The following DLGAP2 variants were observed in gnomAD, a reference collection of about 807,000 sequenced individuals.
DLGAP2 encodes the protein DLG associated protein 2, also known as disks large-associated protein 2.
Under a neutral mutation model 100.3 loss-of-function variants are expected in DLGAP2, and 26 were observed. The observed-to-expected ratio is 0.26, with a 90% CI of 0.19 to 0.36. The LOEUF is 0.36. DLGAP2 is among the 10% of genes least tolerant of loss of function. The pLI, the probability that DLGAP2 is intolerant of heterozygous loss-of-function variation, is 1.00. For synonymous variants in DLGAP2, 886 were observed against 630.1 expected, an observed-to-expected ratio of 1.41 and a Z score of -6.08; for missense variants, 1,858 against 1,453.2, an observed-to-expected ratio of 1.28 and a Z score of -4.53.
intron 3 of DLGAP2, among the ~76,000 whole-genome samples, chr8:1,317,666 C>T (rs374209411): frequency 1.1e-4 from 13 of 116,542 alleles, no homozygotes; most frequent in Middle Eastern, 5.0e-3. Flanking sequence ...AAAAATAGAG[C>T]GTGTGCGAGT....
At chr8:1,490,185 C>T (rs939203935) in intron 3 of DLGAP2, among the ~76,000 whole-genome samples, 1 of 152,172 alleles carries the variant, frequency 6.6e-6, no homozygotes, top group Admixed American at 6.5e-5. Flanking sequence ...CCACTGCGCC[C>T]GGCTTCATTT....
Position 1,298,283 on chromosome 8 carries a change from A to T in DLGAP2, c.106+39400A>T, listed in dbSNP as rs563581896. ...AAGTAAAAGTCATATAATTGAAGTT[A>T]TCTAAACCCCCCATACACCAAATGC... On this transcript the variant is annotated intron_variant, in intron 3 of 14. Coordinates refer to ENST00000637795, the MANE Select transcript of DLGAP2 (RefSeq NM_001346810.2). Among the ~76,000 whole-genome samples, 46 of 152,244 alleles carry T rather than the reference A, an allele frequency of 3.0e-4. 1 individual carries two copies. In the South Asian group the frequency reaches 9.1e-3, roughly 30 times the overall value.
rs35789497 is a variant in DLGAP2, at chr8:1,441,683, CAAAAAAAAAA to C, written c.107-59673_107-59664del. Among the ~76,000 whole-genome samples the C allele has an allele frequency of 4.0e-5, 3 of 74,630 alleles. No homozygotes were observed. In the South Asian group the frequency reaches 1.2e-3, roughly 30 times the overall value. The allele number at this position is 74,630 out of a possible 152,430, so 49.0% of individuals were successfully genotyped here. A position where few individuals can be genotyped will look rare whatever the true frequency, so the allele number is the denominator to read the frequency against. Reference sequence around the variant, plus strand: ...AGCCTGGGCAACATAGACTCCATCTCAAAAAAAAAAAAAAAAAAAGTAAAACTCATATTTA... The same window carrying C: ...AGCCTGGGCAACATAGACTCCATCTCAAAAAAAAAGTAAAACTCATATTTA... On this transcript the variant is annotated intron_variant, in intron 3 of 14. Transcript: ENST00000637795.
chr8:869,457 C>T lies in DLGAP2; in HGVS notation c.19-38455C>T, dbSNP rs77325604. On this transcript the variant is annotated intron_variant, in intron 1 of 14. Coordinates refer to ENST00000637795, the MANE Select transcript of DLGAP2 (RefSeq NM_001346810.2). ...AAAGAAAATTTGGTTTACGTTTGTA[C>T]GCTGAGGGCTCAAATATACAGTAAT... is the stretch of plus-strand genomic sequence containing the variant. 2.6e-4 allele frequency among the ~76,000 whole-genome samples: 39 copies of T among 152,132 alleles called. No homozygotes were observed. In the East Asian group the frequency reaches 3.7e-3, roughly 14 times the overall value.
In DLGAP2 at chr8:1,364,922, G is replaced by A. The variant is rs79511395; in HGVS notation, c.106+106039G>A. 9.8e-3 allele frequency among the ~76,000 whole-genome samples: 1,486 copies of A among 152,266 alleles called. 13 individuals are homozygous for A. Among genetic ancestry groups the A allele is most frequent in the Non-Finnish European group, 0.015 (993 of 68,014 alleles). ...GGGGGTAGTTTTAAAACTTGGAACA[G>A]CAGCGAAGCTCCCACCTTCCTCAGA... On this transcript the variant is annotated intron_variant, in intron 3 of 14. Coordinates refer to ENST00000637795, the MANE Select transcript of DLGAP2 (RefSeq NM_001346810.2).
chr8:994,405 G>C (rs1461636845), intron 2 of DLGAP2, among the ~76,000 whole-genome samples: 2 of 152,082 alleles, frequency 1.3e-5, no homozygotes, highest in African/African-American at 2.4e-5. Flanking sequence ...TCTCCATGTT[G>C]GTCAGGCTGG....
intron 1 of DLGAP2, among the ~76,000 whole-genome samples, chr8:759,596 C>T (rs568810926): frequency 3.3e-5 from 5 of 151,940 alleles, no homozygotes; most frequent in African/African-American, 4.8e-5. Flanking sequence ...GGGGCTCCCC[C>T]CTGGGCTGCA....
intron 1 of DLGAP2, among the ~76,000 whole-genome samples, chr8:839,472 G>A (rs866333291): frequency 3.9e-5 from 6 of 152,306 alleles, no homozygotes; most frequent in East Asian, 1.9e-4. Context: ...TAAGCCAGGC[G>A]CAGAAAGACA....
chr8:910,579 A>G (rs1426554228), intron 2 of DLGAP2: 1 of 152,188 alleles, frequency 6.6e-6, no homozygotes, highest in Non-Finnish European at 1.5e-5. Flanking sequence ...AAGCACATTT[A>G]TGCCTGTCTT....
intron 1 of DLGAP2, among the ~76,000 whole-genome samples, chr8:762,561 T>G (rs1028724381): frequency 2.0e-5 from 3 of 152,138 alleles, no homozygotes; most frequent in Non-Finnish European, 2.9e-5. Flanking sequence ...GGTCACCCCC[T>G]GCTTTGCAGA....
chr8:851,075 T>C (rs955880709), intron 1 of DLGAP2, among the ~76,000 whole-genome samples: 2 of 152,234 alleles, frequency 1.3e-5, no homozygotes, highest in Non-Finnish European at 2.9e-5. Context: ...TTTTAACATA[T>C]GATTTTTCTG....
chr8:1,305,599 T>G (rs1800471426), intron 3 of DLGAP2, among the ~76,000 whole-genome samples: 1 of 152,176 alleles, frequency 6.6e-6, no homozygotes, highest in African/African-American at 2.4e-5. Context: ...GGACATTGCT[T>G]GAAACACTGC....
intron 6 of DLGAP2, among the ~76,000 whole-genome samples, chr8:1,598,390 G>A (rs546968414): frequency 3.9e-5 from 6 of 152,306 alleles, no homozygotes; most frequent in African/African-American, 1.2e-4. Context: ...AAATGAGTTA[G>A]AGAGGAGTCC....
chr8:1,446,932 A>G (rs956200164), intron 3 of DLGAP2, among the ~76,000 whole-genome samples: 1 of 152,142 alleles, frequency 6.6e-6, no homozygotes, highest in Non-Finnish European at 1.5e-5. Context: ...TGATTTTTGT[A>G]CATTGATTTT....
intron 1 of DLGAP2, among the ~76,000 whole-genome samples, chr8:898,016 C>T (rs192720207): frequency 1.3e-5 from 2 of 151,034 alleles, no homozygotes; most frequent in Admixed American, 6.6e-5. Flanking sequence ...AGTGAGCTCC[C>T]GCCACGTGTG....
intron 3 of DLGAP2, among the ~76,000 whole-genome samples, chr8:1,378,493 C>G (rs370061069): frequency 1.1e-4 from 16 of 150,788 alleles, no homozygotes; most frequent in African/African-American, 3.9e-4. Context: ...CACACCTGGC[C>G]TCACCTGTCT....
intron 2 of DLGAP2, among the ~76,000 whole-genome samples, chr8:1,006,004 C>T (rs1801098347): frequency 6.6e-6 from 1 of 152,102 alleles, no homozygotes; most frequent in Admixed American, 6.5e-5. Context: ...TCCTGGCCAA[C>T]ATGGTGAAAC....
intron 6 of DLGAP2, among the ~76,000 whole-genome samples, chr8:1,610,146 C>T (rs889290243): frequency 6.6e-6 from 1 of 151,964 alleles, no homozygotes; most frequent in African/African-American, 2.4e-5. Context: ...AAGTAAAGCT[C>T]TCCTCAGCAA....
chr8:1,593,155 AC>A (rs1796340601), intron 6 of DLGAP2, among the ~76,000 whole-genome samples: 2 of 152,126 alleles, frequency 1.3e-5, no homozygotes, highest in Non-Finnish European at 2.9e-5. Context: ...AATTCCCTTT[AC>A]AAAAATTTAG....
Sources: allele counts gnomAD v4.1 joint callset (sites outside exome capture counted in the v4.1 genomes callset), GRCh38; gene constraint gnomAD v4.1.1; transcripts MANE v1.5; gene names NCBI Gene and HGNC (gene_info 2026-07-23, HGNC 2026-07-21).